Variants in SRSF7 observed in about 807,000 individuals in gnomAD.
SRSF7 encodes the protein serine and arginine rich splicing factor 7, also known as serine/arginine-rich splicing factor 7.
Under a neutral mutation model 42.2 loss-of-function variants are expected in SRSF7, and 15 were observed. The ratio of observed to expected loss-of-function variants is 0.36; its 90% CI spans 0.24 to 0.55. The LOEUF is 0.55. Among genes scored for constraint, SRSF7 ranks in the 20% least tolerant of loss-of-function variants. The pLI is 0.88. For synonymous variants in SRSF7, 138 were observed against 107.9 expected (o/e 1.28, Z -1.73); for missense variants, 181 against 305.9 (o/e 0.59, Z 3.04).
At chr2:38,750,237 C>T (rs1262326008) in intron 1 of SRSF7, 43 bp from the exon 2 acceptor site, 8 of 1,549,732 alleles carry the variant, frequency 5.2e-6, no homozygotes, top group Non-Finnish European at 7.0e-6. Context: ...TACGCAAAAT[C>T]TGGCCCAAGT....
intron 4 of SRSF7, 36 bp from the exon 5 acceptor site, chr2:38,748,193 T>C: frequency 6.6e-7 from 1 of 1,522,968 alleles, no homozygotes; most frequent in South Asian, 1.2e-5. Context: ...CTCCACAGTT[T>C]TTTTTTTTTT....
intron 1 of SRSF7, 119 bp downstream of exon 1, chr2:38,751,110 C>T: frequency 7.3e-7 from 1 of 1,368,622 alleles, no homozygotes; most frequent in Non-Finnish European, 1.0e-6. Flanking sequence ...GTCTGGCGTG[C>T]TCCTAAGCCG....
At chr2:38,749,778 T>C in intron 2 of SRSF7, 73 bp from the exon 3 acceptor site, 1 of 1,419,396 alleles carries the variant, frequency 7.0e-7, no homozygotes, top group South Asian at 1.6e-5. Context: ...AAAGAACTCT[T>C]TCCAACCACT....
In SRSF7 at chr2:38,744,957, T is replaced by A; in HGVS notation, c.*176A>T. On this transcript the variant is annotated 3_prime_UTR_variant, in exon 8 of 8. Transcript: ENST00000313117. ...ACCCACATTTTCAGACCATATGATG[T>A]TAATACATTCAACAAAATTTATATT... 1.7e-6 allele frequency: 1 copy of A among 578,844 alleles called. No homozygotes were observed. Among genetic ancestry groups the A allele is most frequent in the South Asian group, 3.1e-5 (1 of 32,230 alleles). 35.9% of individuals were successfully genotyped at this position (578,844 alleles called of 1,614,324 possible).
intron 1 of SRSF7, among the ~76,000 whole-genome samples, chr2:38,750,454 C>T (rs1290055680): frequency 6.6e-6 from 1 of 151,868 alleles, no homozygotes; most frequent in Non-Finnish European, 1.5e-5. Context: ...GTAGGATACA[C>T]CGAGGCGTGG....
At chr2:38,745,818 T>C (rs1418381821) in intron 7 of SRSF7, among the ~76,000 whole-genome samples, 2 of 152,182 alleles carry the variant, frequency 1.3e-5, no homozygotes, top group Non-Finnish European at 2.9e-5. Flanking sequence ...GGCAGGTAAC[T>C]ATTTCCAAGA....
At chr2:38,746,300 G>T in intron 6 of SRSF7, 121 bp from the exon 7 acceptor site, 1 of 1,120,784 alleles carries the variant, frequency 8.9e-7, no homozygotes, top group Non-Finnish European at 1.3e-6. Flanking sequence ...CACTTAAACT[G>T]AAAAACATCC....
intron 4 of SRSF7, 90 bp from the exon 5 acceptor site, chr2:38,748,247 G>A: frequency 1.0e-6 from 1 of 956,474 alleles, no homozygotes. Context: ...AGTGGCTCAT[G>A]CCCATAATCC....
In SRSF7 at chr2:38,746,949, C is replaced by G. The variant is rs895207236; in HGVS notation, c.573-202G>C. 52 of 823,170 alleles carry G rather than the reference C, an allele frequency of 6.3e-5. 3 individuals are homozygous for G. In the South Asian group the frequency reaches 7.5e-4, roughly 12 times the overall value. The allele number at this position is 823,170 out of a possible 1,614,324, so 51.0% of individuals were successfully genotyped here. On this transcript the variant is annotated intron_variant, in intron 5 of 7. Coordinates refer to ENST00000313117, the MANE Select transcript of SRSF7 (RefSeq NM_001031684.3). ...CCCCATTTCAATTACTTGTTTCTAT[C>G]ACTCAATTGGTTAGTTTCTGTACAG... is the stretch of plus-strand genomic sequence containing the variant.
intron 5 of SRSF7, among the ~76,000 whole-genome samples, chr2:38,747,767 G>C (rs554235703): frequency 1.3e-5 from 2 of 152,282 alleles, no homozygotes; most frequent in African/African-American, 4.8e-5. Flanking sequence ...TCTGAAGCCA[G>C]AAAAGTTTAT....
At position 38,744,915 on chromosome 2, in the gene SRSF7, A is replaced by C; in HGVS notation, c.*218T>G. The C allele has an allele frequency of 8.7e-6, 4 of 462,294 alleles. No individual in the cohort carries two copies. The highest frequency in any genetic ancestry group is 1.5e-5 in the Non-Finnish European group (4 of 262,334). 28.6% of individuals were successfully genotyped at this position (462,294 alleles called of 1,614,324 possible). A position where few individuals can be genotyped will look rare whatever the true frequency, so the allele number is the denominator to read the frequency against. On this transcript the variant is annotated 3_prime_UTR_variant, in exon 8 of 8. Coordinates refer to ENST00000313117, the MANE Select transcript of SRSF7 (RefSeq NM_001031684.3). ...AAATCTAGTTAGAAACATTTTATTT[A>C]AATGTGCCAAATAAAAACCCACATT...
Position 38,748,607 on chromosome 2 carries a change from G to T in SRSF7, c.433C>A (p.Arg145Ser). 1 of 1,614,190 alleles carries T rather than the reference G, an allele frequency of 6.2e-7. No individual in the cohort carries two copies. The highest frequency in any genetic ancestry group is 8.5e-7 in the Non-Finnish European group (1 of 1,180,032). The change falls in exon 4 of 8, where the codon CGC (arginine) becomes AGC (serine). Residue 145 changes from arginine (R) to serine (S), a missense_variant. By Grantham distance (110) the Arg-to-Ser change is moderately radical (BLOSUM62 -1). Around this residue, in one of 2 missense-constraint regions of SRSF7, gnomAD observed 136 missense variants for 147.8 expected, o/e 0.92. Transcript: ENST00000313117. Reference protein sequence around the residue: ...HSRSRGRRYSRSRSRSRGRRS... With the variant: ...HSRSRGRRYSSSRSRSRGRRS... Reference sequence around the variant, plus strand: ...CGTCCCCTGCTCCTGCTGCGTGAGCGAGAGTATCGCCTTCCTCTGGATCGA... The same window carrying T: ...CGTCCCCTGCTCCTGCTGCGTGAGCTAGAGTATCGCCTTCCTCTGGATCGA...
intron 7 of SRSF7, among the ~76,000 whole-genome samples, chr2:38,745,874 T>C (rs572726720): frequency 6.6e-5 from 10 of 152,296 alleles, no homozygotes; most frequent in Non-Finnish European, 1.3e-4. Flanking sequence ...GGAAAAGGCA[T>C]CTATCTTACC....
In SRSF7 at chr2:38,748,562, G is replaced by A; in HGVS notation, c.461+17C>T. 4 of 1,612,172 alleles carry A rather than the reference G, an allele frequency of 2.5e-6. No homozygotes were observed. Among genetic ancestry groups the A allele is most frequent in the Non-Finnish European group, 3.4e-6 (4 of 1,178,342 alleles). ...TTAATAATAATACAGAAAGACTTCA[G>A]TTAAACAAGATCTCACCTTCGTCCC... is the stretch of plus-strand genomic sequence containing the variant. On this transcript the variant is annotated intron_variant, in intron 4 of 7. Coordinates refer to ENST00000313117, the MANE Select transcript of SRSF7 (RefSeq NM_001031684.3).
intron 5 of SRSF7, chr2:38,747,126 G>A: frequency 2.1e-6 from 1 of 469,550 alleles, no homozygotes; most frequent in South Asian, 1.5e-5. Flanking sequence ...CAGCTACTCA[G>A]GAGGCTAAGG....
At chr2:38,745,279 T>G in intron 7 of SRSF7, 92 bp from the exon 8 acceptor site, 1 of 1,317,756 alleles carries the variant, frequency 7.6e-7, no homozygotes, top group Non-Finnish European at 1.1e-6. Flanking sequence ...AAAGGTGGCC[T>G]AAGGTACTAA....
At chr2:38,749,407 T>A in intron 3 of SRSF7, 122 bp downstream of exon 3, 1 of 1,568,104 alleles carries the variant, frequency 6.4e-7, no homozygotes, top group Admixed American at 1.9e-5. Context: ...TAAACAAAAA[T>A]TGTAAAATAC....
intron 5 of SRSF7, chr2:38,747,107 T>C (rs1667548268): frequency 4.1e-6 from 2 of 482,140 alleles, no homozygotes; most frequent in Admixed American, 2.3e-5. Context: ...TGGTACACAA[T>C]GGCAGTCCCA....
At chr2:38,749,936 A>G (rs1404378486) in intron 2 of SRSF7, 78 bp downstream of exon 2, 1 of 1,474,026 alleles carries the variant, frequency 6.8e-7, no homozygotes, top group East Asian at 2.3e-5. Context: ...CAGACTTCAG[A>G]ATCCAAATTT....
Sources: allele counts gnomAD v4.1 joint callset (sites outside exome capture counted in the v4.1 genomes callset), GRCh38; gene constraint gnomAD v4.1.1; regional missense constraint gnomAD v4.1.1; transcripts MANE v1.5; gene names NCBI Gene and HGNC (gene_info 2026-07-23, HGNC 2026-07-21).